The following PKP1 variants were observed in gnomAD, a reference collection of about 807,000 sequenced individuals.
The protein encoded by PKP1 is plakophilin 1.
PKP1 carries 27 observed loss-of-function variants against 76.4 expected under a neutral mutation model. That is an observed-to-expected ratio of 0.35 (90% CI 0.26 to 0.49). PKP1 has a LOEUF of 0.49. Ranked by LOEUF, PKP1 falls within the 20% of genes least tolerant of loss-of-function variation. PKP1 has a pLI of 0.99. For synonymous variants in PKP1, 404 were observed against 384.2 expected (o/e 1.05, Z -0.60); for missense variants, 964 against 955.2 (o/e 1.01, Z -0.12).
Position 201,324,348 on chromosome 1 carries a change from TG to T in PKP1, c.1681-76del, listed in dbSNP as rs781470639. On this transcript the variant is annotated intron_variant, in intron 9 of 13. Coordinates refer to ENST00000367324, the MANE Select transcript of PKP1 (RefSeq NM_001005337.3). ...GAAAGGGTTCTGGGATGTCTGCCTT[TG>T]GGGCTCCTTGCCCCTTTCTGCCTGC... The T allele has an allele frequency of 8.0e-4, 1,161 of 1,450,612 alleles. 2 individuals are homozygous for T. The highest frequency in any genetic ancestry group is 1.0e-3 in the Non-Finnish European group (1,058 of 1,036,750). 89.9% of individuals were successfully genotyped at this position (1,450,612 alleles called of 1,614,324 possible). A position where few individuals can be genotyped will look rare whatever the true frequency, so the allele number is the denominator to read the frequency against.
intron 2 of PKP1, among the ~76,000 whole-genome samples, chr1:201,306,023 G>T (rs984252891): frequency 6.6e-6 from 1 of 152,188 alleles, no homozygotes; most frequent in Non-Finnish European, 1.5e-5. Context: ...CCACCACTCG[G>T]GCTGTGAGAG....
At chr1:201,299,826 G>A (rs912491398) in intron 2 of PKP1, among the ~76,000 whole-genome samples, 3 of 152,318 alleles carry the variant, frequency 2.0e-5, no homozygotes, top group African/African-American at 7.2e-5. Context: ...ACTTAAAACA[G>A]ACCCAACTCC....
intron 2 of PKP1, among the ~76,000 whole-genome samples, chr1:201,303,541 A>G (rs192879433): frequency 6.6e-6 from 1 of 152,360 alleles, no homozygotes; most frequent in East Asian, 1.9e-4. Flanking sequence ...CAATTATAAT[A>G]AATAGAATAA....
chr1:201,323,637 T>C (rs1200943960), intron 9 of PKP1, among the ~76,000 whole-genome samples: 1 of 152,168 alleles, frequency 6.6e-6, no homozygotes, highest in Non-Finnish European at 1.5e-5. Context: ...GTATGTAGCT[T>C]GGAGGGCACA....
In PKP1 at chr1:201,325,850, G is replaced by A. The variant is rs369793858; in HGVS notation, c.2106+12G>A. 9 of 1,598,452 alleles carry A rather than the reference G, an allele frequency of 5.6e-6. No homozygotes were observed. Among genetic ancestry groups the A allele is most frequent in the African/African-American group, 1.3e-5 (1 of 74,664 alleles). On this transcript the variant is annotated intron_variant, in intron 12 of 13. Transcript: ENST00000367324. ...GTGTCCTCAGACAGGTAAGAGCCCA[G>A]GACATCATCCTCTTCTGAGGTTCTT... is the stretch of plus-strand genomic sequence containing the variant.
intron 2 of PKP1, among the ~76,000 whole-genome samples, chr1:201,306,723 G>A (rs1363412850): frequency 6.6e-6 from 1 of 151,900 alleles, no homozygotes; most frequent in Non-Finnish European, 1.5e-5. Flanking sequence ...CACCCAGGCT[G>A]GAGTGCAGTG....
At chr1:201,305,058 A>C (rs1326700844) in intron 2 of PKP1, among the ~76,000 whole-genome samples, 1 of 152,206 alleles carries the variant, frequency 6.6e-6, no homozygotes, top group Non-Finnish European at 1.5e-5. Context: ...ACCTGAGTCC[A>C]CTTTGGGCAT....
intron 2 of PKP1, among the ~76,000 whole-genome samples, chr1:201,297,216 C>T (rs1349518291): frequency 6.6e-6 from 1 of 152,044 alleles, no homozygotes; most frequent in Non-Finnish European, 1.5e-5. Context: ...CATCTAGGGG[C>T]TTAAGGAAAA....
chr1:201,327,298 G>T (rs1244391726), intron 12 of PKP1, among the ~76,000 whole-genome samples: 2 of 152,200 alleles, frequency 1.3e-5, no homozygotes, highest in Non-Finnish European at 2.9e-5. Context: ...CCTGGGGATT[G>T]GTTGAGCAGC....
At chr1:201,317,487 A>AAAACTCTG (rs1656790798) in intron 4 of PKP1, 85 bp from the exon 5 acceptor site, 1 of 24,816 alleles carries the variant, frequency 4.0e-5, no homozygotes, top group South Asian at 3.9e-4. Context: ...TTTTGGTCTG[A>AAAACTCTG]AAAAAAAAAT....
chr1:201,323,336 C>G, intron 9 of PKP1, 147 bp downstream of exon 9: 1 of 756,106 alleles, frequency 1.3e-6, no homozygotes, highest in Non-Finnish European at 2.3e-6. Context: ...GGGCTCTGGG[C>G]TGGGCAATGG....
chr1:201,323,260 C>A, intron 9 of PKP1, 71 bp downstream of exon 9: 3 of 1,448,014 alleles, frequency 2.1e-6, no homozygotes, highest in Non-Finnish European at 2.9e-6. Flanking sequence ...CTGCTCCCTC[C>A]TTTTCCCCCC....
rs562004751 is a variant in PKP1, at chr1:201,326,068, C to G, written c.2106+230C>G. Among the ~76,000 whole-genome samples the G allele has an allele frequency of 1.4e-4, 21 of 152,288 alleles. No individual in the cohort carries two copies. In the South Asian group the frequency reaches 4.2e-3, roughly 30 times the overall value. On this transcript the variant is annotated intron_variant, in intron 12 of 13. Coordinates refer to ENST00000367324, the MANE Select transcript of PKP1 (RefSeq NM_001005337.3). ...TGAGAACATGGAGGGCAGAGGAAAT[C>G]AAGGAAATGTGTGAGAGGCCTGGGG...
chr1:201,300,576 G>C (rs832146), intron 2 of PKP1, among the ~76,000 whole-genome samples: 24,871 of 152,188 alleles, frequency 0.16, 2,415 homozygotes, highest in East Asian at 0.24. Context: ...TGGTCTGAGG[G>C]CTGGTTTCCC....
chr1:201,307,604 C>T (rs547287005), intron 2 of PKP1, among the ~76,000 whole-genome samples: 10 of 152,142 alleles, frequency 6.6e-5, no homozygotes, highest in African/African-American at 9.7e-5. Context: ...AAGCCACTTG[C>T]GAGGTGCCCC....
At chr1:201,306,959 C>T (rs1467894467) in intron 2 of PKP1, among the ~76,000 whole-genome samples, 2 of 152,218 alleles carry the variant, frequency 1.3e-5, no homozygotes, top group East Asian at 1.9e-4. Context: ...CATGAGCCAC[C>T]GCACCTGGAC....
chr1:201,321,926 A>T lies in PKP1; in HGVS notation c.1348-52A>T. 2.5e-6 allele frequency: 4 copies of T among 1,607,838 alleles called. No homozygotes were observed. In the South Asian group the frequency reaches 4.4e-5, roughly 18 times the overall value. On this transcript the variant is annotated intron_variant, in intron 7 of 13. Coordinates refer to ENST00000367324, the MANE Select transcript of PKP1 (RefSeq NM_001005337.3). ...TAGCTAGGGTAGGTGGTAGGCCAGG[A>T]GCCTGTCGGGCCGGGCAGAGGCTCA...
At chr1:201,314,453 C>A (rs761281090) in intron 3 of PKP1, among the ~76,000 whole-genome samples, 3 of 152,094 alleles carry the variant, frequency 2.0e-5, no homozygotes, top group East Asian at 1.9e-4. Flanking sequence ...CAGAGTGAGA[C>A]CCTGTCTCAA....
chr1:201,328,459 G>A (rs1294308197), intron 12 of PKP1: 4 of 442,788 alleles, frequency 9.0e-6, no homozygotes, highest in East Asian at 4.7e-5. Context: ...GATTTTGATT[G>A]TTGCTCTGTT....
Sources: gnomAD v4.1 joint callset for allele counts (sites outside exome capture counted in the v4.1 genomes callset) on GRCh38, gnomAD v4.1.1 for gene constraint, MANE v1.5 for transcripts, NCBI Gene and HGNC (gene_info 2026-07-23, HGNC 2026-07-21) for gene names.